VSTM4: variants seen among roughly 807,000 people sequenced by gnomAD.
VSTM4 encodes V-set and transmembrane domain containing 4.
Under a neutral mutation model 36.4 loss-of-function variants are expected in VSTM4, and 20 were observed. That is an observed-to-expected ratio of 0.55 (90% CI 0.39 to 0.80). VSTM4 has a LOEUF of 0.80. Ranked by LOEUF, VSTM4 falls within the 30% of genes least tolerant of loss-of-function variation. The pLI is 0.00. For missense variants in VSTM4, 392 were observed against 404.5 expected (o/e 0.97, Z 0.26); for synonymous variants, 182 against 173.9 (o/e 1.05, Z -0.37).
intron 5 of VSTM4, among the ~76,000 whole-genome samples, chr10:49,053,455 T>C (rs963243821): frequency 6.6e-6 from 1 of 152,122 alleles, no homozygotes; most frequent in Non-Finnish European, 1.5e-5. Flanking sequence ...ACCAGAGAGG[T>C]GACCCTGGGC....
At chr10:49,045,514 A>G (rs557892150) in intron 7 of VSTM4, among the ~76,000 whole-genome samples, 1 of 152,342 alleles carries the variant, frequency 6.6e-6, no homozygotes. Context: ...AAGGAAAAAC[A>G]AGATATTTGC....
chr10:49,105,570 C>T (rs1844766226), intron 2 of VSTM4, among the ~76,000 whole-genome samples: 1 of 152,184 alleles, frequency 6.6e-6, no homozygotes, highest in Admixed American at 6.5e-5. Flanking sequence ...TTCTTATTTC[C>T]AGTGAGGTGT....
Position 49,089,013 on chromosome 10 carries a change from C to A in VSTM4, c.458-2990G>T, listed in dbSNP as rs1411912065. Among the ~76,000 whole-genome samples, 4 of 152,222 alleles carry A rather than the reference C, an allele frequency of 2.6e-5. No individual in the cohort carries two copies. The East Asian group carries it at 7.7e-4, about 29-fold the overall frequency. On this transcript the variant is annotated intron_variant, in intron 2 of 7. Coordinates refer to ENST00000332853, the MANE Select transcript of VSTM4 (RefSeq NM_001031746.5). Reference sequence around the variant, plus strand: ...TCAGAATCTGCTTTCAAGCCCAAATCCCCTGGGTGAAATGTATGCCTTTTA... The same window carrying A: ...TCAGAATCTGCTTTCAAGCCCAAATACCCTGGGTGAAATGTATGCCTTTTA...
intron 2 of VSTM4, among the ~76,000 whole-genome samples, chr10:49,105,639 A>G (rs1310702675): frequency 5.3e-5 from 8 of 152,222 alleles, no homozygotes; most frequent in Admixed American, 4.6e-4. Flanking sequence ...GACTGAACCC[A>G]GCTTCACTCA....
rs1269998362 is a variant in VSTM4, at chr10:49,019,440, T to C, written c.*210A>G. 4.1e-6 allele frequency: 2 copies of C among 489,578 alleles called. No individual in the cohort carries two copies. The highest frequency in any genetic ancestry group is 3.1e-6 in the Non-Finnish European group (1 of 319,126). The allele number at this position is 489,578 out of a possible 1,614,324, so 30.3% of individuals were successfully genotyped here. On this transcript the variant is annotated 3_prime_UTR_variant, in exon 8 of 8. Coordinates refer to ENST00000332853, the MANE Select transcript of VSTM4 (RefSeq NM_001031746.5). ...AGGGCTCAAACCCAGGCGCATCTTGTCCCGGGAGATCTGTCAAGAGCTGTG... is the reference window on the plus strand; with the variant it reads ...AGGGCTCAAACCCAGGCGCATCTTGCCCCGGGAGATCTGTCAAGAGCTGTG...
At chr10:49,079,932 A>G (rs1192455551) in intron 3 of VSTM4, among the ~76,000 whole-genome samples, 1 of 151,176 alleles carries the variant, frequency 6.6e-6, no homozygotes, top group African/African-American at 2.4e-5. Flanking sequence ...ATCTTTTTTC[A>G]ATTTCTCTCA....
intron 7 of VSTM4, among the ~76,000 whole-genome samples, chr10:49,031,556 G>T (rs1843345981): frequency 1.3e-5 from 2 of 152,220 alleles, no homozygotes; most frequent in Admixed American, 6.5e-5. Flanking sequence ...AGACGTTTTG[G>T]AAAGTATATG....
chr10:49,022,503 G>C (rs1843197517), intron 7 of VSTM4, among the ~76,000 whole-genome samples: 1 of 152,098 alleles, frequency 6.6e-6, no homozygotes, highest in South Asian at 2.1e-4. Context: ...ACCTCTGCTG[G>C]GGGTGACTGC....
At chr10:49,072,322 A>G (rs1844093967) in intron 4 of VSTM4, among the ~76,000 whole-genome samples, 1 of 152,178 alleles carries the variant, frequency 6.6e-6, no homozygotes, top group Non-Finnish European at 1.5e-5. Context: ...GGATGCAAAT[A>G]GGGCATGCTC....
At chr10:49,038,355 CA>C (rs1843465002) in intron 7 of VSTM4, among the ~76,000 whole-genome samples, 1 of 152,188 alleles carries the variant, frequency 6.6e-6, no homozygotes, top group African/African-American at 2.4e-5. Flanking sequence ...AAGCCAGTCA[CA>C]AAAGGACAAA....
chr10:49,106,066 T>C (rs1377391098), intron 2 of VSTM4, among the ~76,000 whole-genome samples: 1 of 152,188 alleles, frequency 6.6e-6, no homozygotes, highest in Non-Finnish European at 1.5e-5. Context: ...ATTTAATACC[T>C]CATTCTGTAC....
intron 3 of VSTM4, among the ~76,000 whole-genome samples, chr10:49,082,227 T>G (rs1844292035): frequency 6.6e-6 from 1 of 152,214 alleles, no homozygotes; most frequent in Non-Finnish European, 1.5e-5. Flanking sequence ...TGTAAAAATC[T>G]CTCTATAAAA....
chr10:49,106,671 C>T (rs1436936968), intron 2 of VSTM4, among the ~76,000 whole-genome samples: 1 of 152,220 alleles, frequency 6.6e-6, no homozygotes, highest in East Asian at 1.9e-4. Context: ...CCTCCCAACG[C>T]GTGCCTCCTC....
In VSTM4 at chr10:49,091,156, G is replaced by C. The variant is rs140461922; in HGVS notation, c.458-5133C>G. Among the ~76,000 whole-genome samples the C allele has an allele frequency of 1.9e-3, 297 of 152,338 alleles. 2 individuals carry two copies. The highest frequency in any genetic ancestry group is 7.0e-3 in the African/African-American group (290 of 41,572). On this transcript the variant is annotated intron_variant, in intron 2 of 7. Coordinates refer to ENST00000332853, the MANE Select transcript of VSTM4 (RefSeq NM_001031746.5). ...TGGGTCAGGTCTCACAGTGGAGGGA[G>C]GGGTGATGAGTGCTCAGAAGCTAAA...
At chr10:49,107,516 C>G in intron 2 of VSTM4, 78 bp downstream of exon 2, 1 of 1,514,830 alleles carries the variant, frequency 6.6e-7, no homozygotes, top group Non-Finnish European at 8.8e-7. Flanking sequence ...ACCCGGGAGC[C>G]CCTGGGTGGT....
At chr10:49,040,443 C>T (rs912471695) in intron 7 of VSTM4, among the ~76,000 whole-genome samples, 5 of 151,650 alleles carry the variant, frequency 3.3e-5, no homozygotes, top group African/African-American at 9.7e-5. Flanking sequence ...CCACCATGCC[C>T]GGCTAATTTT....
At chr10:49,051,393 T>TC (rs980404997) in intron 5 of VSTM4, among the ~76,000 whole-genome samples, 3 of 148,980 alleles carry the variant, frequency 2.0e-5, no homozygotes, top group African/African-American at 7.6e-5. Flanking sequence ...CTCATTTCTT[T>TC]TTTTTTTTTT....
At chr10:49,096,645 GT>G (rs1427659357) in intron 2 of VSTM4, among the ~76,000 whole-genome samples, 1 of 150,738 alleles carries the variant, frequency 6.6e-6, no homozygotes, top group East Asian at 1.9e-4. Context: ...GTGTGTGTGT[GT>G]GTGTGTGTGT....
intron 1 of VSTM4, among the ~76,000 whole-genome samples, chr10:49,110,676 C>T (rs527290307): frequency 1.3e-5 from 2 of 151,922 alleles, no homozygotes; most frequent in South Asian, 2.1e-4. Context: ...TATCAATGGT[C>T]TTTATAAGAA....
Sources: allele counts gnomAD v4.1 joint callset (sites outside exome capture counted in the v4.1 genomes callset), GRCh38; gene constraint gnomAD v4.1.1; transcripts MANE v1.5; gene names NCBI Gene and HGNC (gene_info 2026-07-23, HGNC 2026-07-21).